Variants in XXYLT1 observed in about 807,000 individuals in gnomAD.
XXYLT1 encodes the protein UDP-xylose:alpha-xyloside alpha-1,3-xylosyltransferase.
In XXYLT1, 20 loss-of-function variants were observed where a neutral mutation model predicts 28.9. The observed-to-expected ratio is 0.69, with a 90% CI of 0.49 to 1.00. The LOEUF is 1.00. XXYLT1 is among the 50% of genes least tolerant of loss of function. The pLI is 0.00. For missense variants in XXYLT1, 542 were observed against 560.1 expected (o/e 0.97, Z 0.33); for synonymous variants, 257 against 253.8 (o/e 1.01, Z -0.12).
Position 195,271,014 on chromosome 3 carries a change from C to A in XXYLT1, c.45G>T (p.Ala15=), listed in dbSNP as rs970938021. The change falls in exon 1 of 4, where the codon GCG becomes GCT. Residue 15 remains alanine (A), a synonymous_variant. Coordinates refer to ENST00000310380, the MANE Select transcript of XXYLT1 (RefSeq NM_152531.5). ...AGTGGGAGCGCACAGCGCCCAGGCG[C>A]GCCATGGCCCGAGCGCATGGGAGCC... ...RGGLPCARAM[A]RLGAVRSHYC... is the part of the protein sequence containing the mutation. 6 of 1,469,590 alleles carry A rather than the reference C, an allele frequency of 4.1e-6. No individual in the cohort carries two copies. The highest frequency in any genetic ancestry group is 5.4e-6 in the Non-Finnish European group (6 of 1,115,466). The allele number at this position is 1,469,590 out of a possible 1,614,324, so 91.0% of individuals were successfully genotyped here.
At chr3:195,211,585 A>C (rs545264021) in intron 2 of XXYLT1, among the ~76,000 whole-genome samples, 120 of 152,318 alleles carry the variant, frequency 7.9e-4, no homozygotes, top group African/African-American at 2.8e-3. Context: ...AACACACAGA[A>C]CTTCCTGCCC....
intron 2 of XXYLT1, among the ~76,000 whole-genome samples, chr3:195,177,331 C>T (rs2108729503): frequency 6.6e-6 from 1 of 152,290 alleles, no homozygotes; most frequent in Non-Finnish European, 1.5e-5. Context: ...GAAGGAGGAC[C>T]TCAATTTCAA....
At chr3:195,152,969 T>G (rs560896201) in intron 3 of XXYLT1, among the ~76,000 whole-genome samples, 1 of 152,322 alleles carries the variant, frequency 6.6e-6, no homozygotes, top group South Asian at 2.1e-4. Flanking sequence ...GGAGACCCCT[T>G]GGTGGTCAGA....
intron 2 of XXYLT1, among the ~76,000 whole-genome samples, chr3:195,172,483 C>T (rs1721458315): frequency 6.6e-6 from 1 of 152,250 alleles, no homozygotes; most frequent in Non-Finnish European, 1.5e-5. Context: ...CTGCAAAGTT[C>T]TAAGACATGG....
chr3:195,260,309 G>A (rs1431378240), intron 1 of XXYLT1, among the ~76,000 whole-genome samples: 1 of 151,848 alleles, frequency 6.6e-6, no homozygotes. Context: ...CCCAACGCCC[G>A]ACGCCCGCGG....
chr3:195,084,190 C>A (rs1483479179), intron 3 of XXYLT1, among the ~76,000 whole-genome samples: 7 of 152,164 alleles, frequency 4.6e-5, no homozygotes, highest in Admixed American at 3.9e-4. Flanking sequence ...GAAGGTCCGG[C>A]TGGTAAGGCA....
chr3:195,228,827 T>C (rs1248774879), intron 1 of XXYLT1, among the ~76,000 whole-genome samples: 2 of 151,870 alleles, frequency 1.3e-5, no homozygotes, highest in African/African-American at 4.8e-5. Context: ...CTTTTTTTTT[T>C]TCGAGACAGA....
chr3:195,245,388 G>C (rs1724979054), intron 1 of XXYLT1, among the ~76,000 whole-genome samples: 2 of 151,804 alleles, frequency 1.3e-5, no homozygotes, highest in Non-Finnish European at 2.9e-5. Flanking sequence ...TTGAACTCCT[G>C]CAAGTGATTC....
At chr3:195,208,808 A>G (rs1274806459) in intron 2 of XXYLT1, among the ~76,000 whole-genome samples, 1 of 152,090 alleles carries the variant, frequency 6.6e-6, no homozygotes, top group African/African-American at 2.4e-5. Context: ...GGAAGGGCAG[A>G]CAAAGAGCGT....
chr3:195,241,647 G>A (rs1724780186), intron 1 of XXYLT1, among the ~76,000 whole-genome samples: 1 of 152,086 alleles, frequency 6.6e-6, no homozygotes, highest in Non-Finnish European at 1.5e-5. Flanking sequence ...GAACACCCCA[G>A]GGCCTATGCA....
chr3:195,094,497 C>T (rs1716306013), intron 3 of XXYLT1: 1 of 153,982 alleles, frequency 6.5e-6, no homozygotes, highest in African/African-American at 2.4e-5. Context: ...GGTCGGCAGA[C>T]TCATCCCCAC....
chr3:195,112,479 CACACGCAT>C lies in XXYLT1; in HGVS notation c.786-42376_786-42369del, dbSNP rs199684520. Among the ~76,000 whole-genome samples, 116 of 141,822 alleles carry C rather than the reference CACACGCAT, an allele frequency of 8.2e-4. 1 individual carries two copies. The East Asian group carries it at 0.019, about 24-fold the overall frequency. 93.0% of individuals were successfully genotyped at this position (141,822 alleles called of 152,430 possible). A position where few individuals can be genotyped will look rare whatever the true frequency, so the allele number is the denominator to read the frequency against. On this transcript the variant is annotated intron_variant, in intron 3 of 3. Coordinates refer to ENST00000310380, the MANE Select transcript of XXYLT1 (RefSeq NM_152531.5). The stretch of plus-strand genomic sequence containing the variant: ...GCATGTGCACACCCACACACATGCA[CACACGCAT>C]GGACACATGCACACACCCACACACA...
intron 3 of XXYLT1, among the ~76,000 whole-genome samples, chr3:195,118,895 A>G (rs547475558): frequency 1.3e-5 from 2 of 152,202 alleles, no homozygotes; most frequent in Non-Finnish European, 2.9e-5. Context: ...GGGTTCTAAG[A>G]GCACTGCGTT....
rs1336867866 is a variant in XXYLT1, at chr3:195,270,973, A to T, written c.86T>A (p.Leu29Gln). Reference sequence around the variant, plus strand: ...GGCGCAGACGGCCAGCGCCGCGGCCAGCAGCAGGGCGCAGTAGTGGGAGCG... The same window carrying T: ...GGCGCAGACGGCCAGCGCCGCGGCCTGCAGCAGGGCGCAGTAGTGGGAGCG... ...AVRSHYCALL[L>Q]AAALAVCAFY... is the part of the protein sequence containing the mutation. Residue 29 changes from leucine (L) to glutamine (Q), a missense_variant, in exon 1 of 4, where the codon CTG (leucine) becomes CAG (glutamine). Coordinates refer to ENST00000310380, the MANE Select transcript of XXYLT1 (RefSeq NM_152531.5). 4.0e-6 allele frequency: 6 copies of T among 1,487,396 alleles called. No individual in the cohort carries two copies. The Admixed American group carries it at 1.4e-4, about 35-fold the overall frequency. 92.1% of individuals were successfully genotyped at this position (1,487,396 alleles called of 1,614,324 possible). A position where few individuals can be genotyped will look rare whatever the true frequency, so the allele number is the denominator to read the frequency against.
intron 3 of XXYLT1, among the ~76,000 whole-genome samples, chr3:195,137,107 C>A (rs764053142): frequency 5.3e-5 from 8 of 152,090 alleles, no homozygotes; most frequent in Non-Finnish European, 1.2e-4. Flanking sequence ...CCACAGTGCC[C>A]AGGTGCCTCA....
intron 2 of XXYLT1, among the ~76,000 whole-genome samples, chr3:195,201,972 T>C (rs1043549854): frequency 3.3e-5 from 5 of 151,950 alleles, no homozygotes; most frequent in African/African-American, 1.2e-4. Context: ...AGGTCAGAAG[T>C]TCAAGACCAG....
intron 3 of XXYLT1, among the ~76,000 whole-genome samples, chr3:195,100,371 G>A (rs1421854955): frequency 2.0e-5 from 3 of 152,104 alleles, no homozygotes; most frequent in East Asian, 1.9e-4. Context: ...CCAGAGCACC[G>A]GACAGTGTGC....
intron 2 of XXYLT1, 70 bp from the exon 3 acceptor site, chr3:195,156,651 T>A: frequency 9.5e-6 from 15 of 1,577,446 alleles, no homozygotes; most frequent in Non-Finnish European, 1.3e-5. Context: ...GGACAGAAAA[T>A]GAAGTGGAGG....
At chr3:195,074,414 T>C (rs1715001542) in intron 3 of XXYLT1, among the ~76,000 whole-genome samples, 2 of 152,134 alleles carry the variant, frequency 1.3e-5, no homozygotes, top group African/African-American at 4.8e-5. Context: ...GTGCAGTCAG[T>C]GAGGCCTGGA....
Sources: allele counts gnomAD v4.1 joint callset (sites outside exome capture counted in the v4.1 genomes callset), GRCh38; gene constraint gnomAD v4.1.1; transcripts MANE v1.5; gene names NCBI Gene and HGNC (gene_info 2026-07-23, HGNC 2026-07-21).